The following NOX4 variants were observed in gnomAD, a reference collection of about 807,000 sequenced individuals.
NOX4 encodes kidney oxidase-1.
Under a neutral mutation model 87.6 loss-of-function variants are expected in NOX4, and 69 were observed. The ratio of observed to expected loss-of-function variants is 0.79; its 90% CI spans 0.65 to 0.96. The LOEUF (loss-of-function observed/expected upper bound fraction) is 0.96, where lower values mean the gene tolerates loss of function less well. Among genes scored for constraint, NOX4 ranks in the 40% least tolerant of loss-of-function variants. NOX4 has a pLI of 0.00. For synonymous variants in NOX4, 275 were observed against 238.2 expected (o/e 1.15, Z -1.42); for missense variants, 680 against 681.5 (o/e 1.00, Z 0.02).
Position 89,446,306 on chromosome 11 carries a change from G to C in NOX4, c.350-2074C>G, listed in dbSNP as rs192270742. Among the ~76,000 whole-genome samples, 8 of 152,082 alleles carry C rather than the reference G, an allele frequency of 5.3e-5. No individual in the cohort carries two copies. In the East Asian group the frequency reaches 1.5e-3, roughly 29 times the overall value. ...CAGCCATATTGGAAGTGAGTTTGGT[G>C]GTTTCTTAAAAACTACACATACTCT... On this transcript the variant is annotated intron_variant, in intron 4 of 17. Transcript: ENST00000263317.
rs530738491 is a variant in NOX4 at position 89,324,683 on chromosome 11, A to G, written c.*2073T>C. 4.6e-5 allele frequency: 7 copies of G among 152,360 alleles called. No homozygotes were observed. The highest frequency in any genetic ancestry group is 1.7e-4 in the African/African-American group (7 of 41,586). The allele number at this position is 152,360 out of a possible 1,614,324, so 9.4% of individuals were successfully genotyped here. ...GATCAGTATAGAGTCAGTATTGCAC[A>G]TTAAGCCTGGACTAACTCAAAGTGT... On this transcript the variant is annotated 3_prime_UTR_variant, in exon 18 of 18. Transcript: ENST00000263317.
intron 1 of NOX4, 94 bp from the exon 2 acceptor site, chr11:89,490,647 C>T (rs749569904): frequency 6.7e-5 from 58 of 871,290 alleles, no homozygotes; most frequent in Non-Finnish European, 1.1e-4. Context: ...CGACACAGTG[C>T]TTTCAATGGA....
Position 89,401,691 on chromosome 11 carries a change from G to A in NOX4, c.846+635C>T, listed in dbSNP as rs1222105758. Among the ~76,000 whole-genome samples, 22 of 152,244 alleles carry A rather than the reference G, an allele frequency of 1.4e-4. 1 individual carries two copies. The East Asian group carries it at 3.7e-3, about 25-fold the overall frequency. Reference sequence around the variant, plus strand: ...ACCAGGAGCAAGCATATTAGTCAAAGACCTGGGTTTACATGCTTCCTCTGC... The same window carrying A: ...ACCAGGAGCAAGCATATTAGTCAAAAACCTGGGTTTACATGCTTCCTCTGC... On this transcript the variant is annotated intron_variant, in intron 9 of 17. Transcript: ENST00000263317.
rs765156309 is a variant in NOX4 at position 89,490,475 on chromosome 11, G to C, written c.136C>G (p.Leu46Val). The C allele has an allele frequency of 5.6e-6, 9 of 1,612,626 alleles. No homozygotes were observed. The highest frequency in any genetic ancestry group is 7.6e-6 in the Non-Finnish European group (9 of 1,178,678). ...LYNQGPEYHY[L>V]HQMLGLGLCL... is the part of the protein sequence containing the mutation. Reference sequence around the variant, plus strand: ...TTACTTACCCCCAACATCTGGTGGAGGTAGTGATACTCTGGCCCTTGGTTA... The same window carrying C: ...TTACTTACCCCCAACATCTGGTGGACGTAGTGATACTCTGGCCCTTGGTTA... Residue 46 changes from leucine (L) to valine (V), a missense_variant, in exon 2 of 18, where the codon CTC becomes GTC. Leu to Val is a conservative substitution (Grantham distance 32). Transcript: ENST00000263317.
chr11:89,397,291 C>A (rs1450385962), intron 11 of NOX4, among the ~76,000 whole-genome samples: 2 of 152,110 alleles, frequency 1.3e-5, no homozygotes, highest in East Asian at 1.9e-4. Context: ...ACACAATATA[C>A]CAGAATCTCT....
intron 2 of NOX4, among the ~76,000 whole-genome samples, chr11:89,463,369 G>T (rs1945553216): frequency 6.6e-6 from 1 of 151,874 alleles, no homozygotes. Context: ...ATCATAACTT[G>T]TCATCTGTTG....
At chr11:89,451,066 G>A (rs1350745864) in intron 3 of NOX4, among the ~76,000 whole-genome samples, 1 of 128,340 alleles carries the variant, frequency 7.8e-6, no homozygotes, top group Non-Finnish European at 1.6e-5. Context: ...CCTGTTGTGG[G>A]GTGGGGGGAG....
intron 1 of NOX4, among the ~76,000 whole-genome samples, chr11:89,497,293 T>C (rs1388723829): frequency 6.6e-6 from 1 of 152,234 alleles, no homozygotes; most frequent in Non-Finnish European, 1.5e-5. Context: ...TTACTGTTCT[T>C]AAAGTTTTAA....
the NOX4 span, among the ~76,000 whole-genome samples, chr11:89,547,262 G>C: frequency 2.0e-5 from 3 of 152,036 alleles, no homozygotes; most frequent in Non-Finnish European, 4.4e-5. Flanking sequence ...CATTAATTTA[G>C]TTAATTGAAT....
At chr11:89,543,518 CA>C in the NOX4 span, among the ~76,000 whole-genome samples, 2 of 152,024 alleles carry the variant, frequency 1.3e-5, no homozygotes, top group South Asian at 4.1e-4. Context: ...ACCCTCAAAA[CA>C]AAAAAGCAAT....
chr11:89,359,561 CA>C (rs1468515535), intron 12 of NOX4, among the ~76,000 whole-genome samples: 2 of 151,818 alleles, frequency 1.3e-5, no homozygotes, highest in Non-Finnish European at 2.9e-5. Flanking sequence ...ACAAAAGTAA[CA>C]ATGATTAATG....
chr11:89,358,844 C>T (rs1052336801), intron 12 of NOX4, among the ~76,000 whole-genome samples: 5 of 151,772 alleles, frequency 3.3e-5, no homozygotes, highest in African/African-American at 9.7e-5. Flanking sequence ...CAGGCTCAAA[C>T]TGTTTCTTAA....
chr11:89,381,386 G>A (rs1441118081), intron 11 of NOX4, among the ~76,000 whole-genome samples: 6 of 152,112 alleles, frequency 3.9e-5, no homozygotes, highest in Admixed American at 3.9e-4. Context: ...AGAGAAAATG[G>A]CCGGTTCCTG....
chr11:89,516,771 G>T, the NOX4 span, among the ~76,000 whole-genome samples: 35,542 of 151,934 alleles, frequency 0.23, 5,254 homozygotes, highest in Non-Finnish European at 0.34. Flanking sequence ...TGAACTTCCA[G>T]CTGTTATTTC....
intron 7 of NOX4, among the ~76,000 whole-genome samples, chr11:89,424,425 T>A (rs1943263327): frequency 6.6e-6 from 1 of 151,228 alleles, no homozygotes; most frequent in Non-Finnish European, 1.5e-5. Context: ...AATAATGGTA[T>A]TTTATTGTTG....
chr11:89,468,216 C>T (rs1441262985), intron 2 of NOX4, among the ~76,000 whole-genome samples: 1 of 152,160 alleles, frequency 6.6e-6, no homozygotes, highest in Admixed American at 6.5e-5. Flanking sequence ...AGGATGAAAT[C>T]TGTGTCTCTG....
intron 2 of NOX4, among the ~76,000 whole-genome samples, chr11:89,457,047 A>C (rs1387088234): frequency 6.6e-6 from 1 of 152,110 alleles, no homozygotes; most frequent in Non-Finnish European, 1.5e-5. Flanking sequence ...TTATCATCAT[A>C]GCTCCTTCAC....
chr11:89,334,042 C>A (rs1590945432), intron 17 of NOX4, among the ~76,000 whole-genome samples: 1 of 151,672 alleles, frequency 6.6e-6, no homozygotes, highest in East Asian at 1.9e-4. Flanking sequence ...CTGTAGGAAC[C>A]AACAGCCTCA....
intron 13 of NOX4, among the ~76,000 whole-genome samples, chr11:89,342,404 G>A (rs1173952075): frequency 1.3e-5 from 2 of 152,092 alleles, no homozygotes; most frequent in Admixed American, 1.3e-4. Context: ...TTCTAAGTGT[G>A]TCTTTTTTGA....
Sources: allele counts gnomAD v4.1 joint callset (sites outside exome capture counted in the v4.1 genomes callset), GRCh38; gene constraint gnomAD v4.1.1; transcripts MANE v1.5; gene names NCBI Gene and HGNC (gene_info 2026-07-23, HGNC 2026-07-21).